THAP3: variants seen among roughly 807,000 people sequenced by gnomAD.
The protein encoded by THAP3 is THAP domain-containing protein 3.
THAP3 carries 12 observed loss-of-function variants against 17.7 expected under a neutral mutation model. The ratio of observed to expected loss-of-function variants is 0.68; its 90% CI spans 0.43 to 1.10. The LOEUF (loss-of-function observed/expected upper bound fraction) is 1.10, where lower values mean the gene tolerates loss of function less well. Ranked by LOEUF, THAP3 falls within the 50% of genes least tolerant of loss-of-function variation. THAP3 has a pLI of 0.00. For synonymous variants in THAP3, 133 were observed against 126.9 expected (o/e 1.05, Z -0.32); for missense variants, 289 against 318.0 (o/e 0.91, Z 0.69).
chr1:6,634,669 A>G (rs752394189), downstream of THAP3: 1 of 1,366,398 alleles, frequency 7.3e-7, no homozygotes, highest in East Asian at 4.5e-5. Context: ...GCTCCGCTGC[A>G]TTCTGCATCC....
At chr1:6,634,714 G>A (rs367606327), downstream of THAP3, 27 of 1,363,670 alleles carry the variant, frequency 2.0e-5, no homozygotes, top group African/African-American at 3.4e-4. Flanking sequence ...CTGAAGGAAG[G>A]CTCCGGAGCA....
chr1:6,630,842 G>A (rs1444919211), intron 4 of THAP3, among the ~76,000 whole-genome samples: 1 of 151,650 alleles, frequency 6.6e-6, no homozygotes, highest in African/African-American at 2.4e-5. Flanking sequence ...AAAGTGCTGG[G>A]ATTATAGGTG....
intron 1 of THAP3, 83 bp from the exon 2 acceptor site, chr1:6,625,067 G>A: frequency 1.2e-6 from 1 of 828,866 alleles, no homozygotes; most frequent in Non-Finnish European, 1.8e-6. Flanking sequence ...GGAGACGCGG[G>A]TGGCTGGGAT....
At chr1:6,635,009 C>G (rs1042079138), downstream of THAP3, 8 of 533,464 alleles carry the variant, frequency 1.5e-5, no homozygotes, top group Non-Finnish European at 1.9e-5. Context: ...GGGCTAGGCC[C>G]TGGGATCGGG....
In THAP3 at chr1:6,630,427, A is replaced by C. The variant is rs900135401; in HGVS notation, c.333+74A>C. The stretch of plus-strand genomic sequence containing the variant: ...TGAGACAGGGAGGTGGGATTTTCCC[A>C]GCAAGGCCGGCCCGCAGGGCTGTCG... On this transcript the variant is annotated intron_variant, in intron 4 of 5. Coordinates refer to ENST00000054650, the MANE Select transcript of THAP3 (RefSeq NM_001195753.2). The C allele has an allele frequency of 3.3e-6, 5 of 1,515,932 alleles. No homozygotes were observed. In the African/African-American group the frequency reaches 5.5e-5, roughly 17 times the overall value. The allele number at this position is 1,515,932 out of a possible 1,614,324, so 93.9% of individuals were successfully genotyped here.
chr1:6,634,739 C>G, downstream of THAP3: 1 of 1,354,150 alleles, frequency 7.4e-7, no homozygotes, highest in Non-Finnish European at 9.8e-7. Context: ...CCCTGGTGTT[C>G]CTGTGAGGAC....
chr1:6,629,378 C>G (rs1641547383), intron 3 of THAP3, among the ~76,000 whole-genome samples: 1 of 152,166 alleles, frequency 6.6e-6, no homozygotes, highest in Non-Finnish European at 1.5e-5. Context: ...ATGGGAAGAA[C>G]AAAGCGGCCA....
chr1:6,628,095 C>G (rs1409864177), intron 2 of THAP3: 1 of 170,254 alleles, frequency 5.9e-6, no homozygotes, highest in Admixed American at 5.7e-5. Flanking sequence ...TGTCTGTTCT[C>G]TGGAGCAGCT....
At chr1:6,634,167 C>G, downstream of THAP3, 1 of 1,348,600 alleles carries the variant, frequency 7.4e-7, no homozygotes, top group Non-Finnish European at 1.0e-6. Flanking sequence ...GAGCGCCAGC[C>G]TCTGCTTTCA....
rs1395197033 is a variant in THAP3, at chr1:6,632,933, C to T, written c.576C>T (p.Leu192=). 9 of 1,612,866 alleles carry T rather than the reference C, an allele frequency of 5.6e-6. No homozygotes were observed. The South Asian group carries it at 8.8e-5, about 16-fold the overall frequency. ...LLDLDSLKKK[L]FLTLKENEKL... ...ACTTAGATTCCCTGAAGAAAAAACTCTTCCTCACTCTGAAGGAAAATGAAA... is the reference window on the plus strand; with the variant it reads ...ACTTAGATTCCCTGAAGAAAAAACTTTTCCTCACTCTGAAGGAAAATGAAA... The change falls in exon 6 of 6, where the codon CTC becomes CTT. Residue 192 remains leucine, a synonymous_variant. Transcript: ENST00000054650.
Position 6,625,225 on chromosome 1 carries a change from A to G in THAP3, c.7A>G (p.Lys3Glu), listed in dbSNP as rs1641429587. 6.5e-7 allele frequency: 1 copy of G among 1,542,682 alleles called. No individual in the cohort carries two copies. The highest frequency in any genetic ancestry group is 1.2e-5 in the South Asian group (1 of 83,530). ...CAGCCAGGCCTGGCTCGAGATGCCGAAGTCGTGCGCGGCCCGGCAGTGCTG... is the reference window on the plus strand; with the variant it reads ...CAGCCAGGCCTGGCTCGAGATGCCGGAGTCGTGCGCGGCCCGGCAGTGCTG... MP[K>E]SCAARQCCNR... is the part of the protein sequence containing the mutation. The change falls in exon 2 of 6, where the codon AAG becomes GAG. Residue 3 changes from lysine to glutamate, a missense_variant. Physicochemically the swap from Lys to Glu is moderately conservative, Grantham distance 56. Transcript: ENST00000054650.
At chr1:6,634,947 C>T, downstream of THAP3, 4 of 1,066,356 alleles carry the variant, frequency 3.8e-6, no homozygotes, top group Non-Finnish European at 4.8e-6. Flanking sequence ...CAGCTCAAGC[C>T]CGCTGGTGGC....
intron 4 of THAP3, among the ~76,000 whole-genome samples, chr1:6,631,415 G>T (rs188740149): frequency 2.0e-4 from 31 of 152,268 alleles, no homozygotes; most frequent in African/African-American, 6.5e-4. Context: ...ATGTCTTGAG[G>T]CTAGGAGTTT....
downstream of THAP3, chr1:6,634,306 G>A (rs935955156): frequency 2.1e-6 from 2 of 939,252 alleles, no homozygotes; most frequent in African/African-American, 1.7e-5. Flanking sequence ...GCAACACGAC[G>A]CTCACCGCGG....
intron 3 of THAP3, 65 bp from the exon 4 acceptor site, chr1:6,630,223 C>G (rs964428427): frequency 3.2e-5 from 47 of 1,453,226 alleles, no homozygotes; most frequent in Middle Eastern, 3.5e-4. Flanking sequence ...GCATGATGCC[C>G]GAGGCCTGCC....
downstream of THAP3, chr1:6,634,113 A>G: frequency 6.2e-7 from 1 of 1,603,872 alleles, no homozygotes; most frequent in Non-Finnish European, 8.5e-7. Flanking sequence ...GCCTCTGGGG[A>G]AGGGGTTCCC....
rs777848367 is a variant in THAP3, at chr1:6,625,194, T to TG, written c.-20dup. On this transcript the variant is annotated 5_prime_UTR_variant, in exon 2 of 6. Transcript: ENST00000054650. ...GCCCCGCCGCCGCCGCCATCTTTGT[T>TG]GGGGGCAGCCAGGCCTGGCTCGAGA... The TG allele has an allele frequency of 2.5e-5, 39 of 1,534,536 alleles. No individual in the cohort carries two copies. The highest frequency in any genetic ancestry group is 3.2e-5 in the Non-Finnish European group (37 of 1,143,008).
At chr1:6,633,687 T>C (rs113762810), downstream of THAP3, 6 of 683,778 alleles carry the variant, frequency 8.8e-6, no homozygotes, top group African/African-American at 7.7e-5. Context: ...GGTGGGGAGA[T>C]CACTTGAGGT....
Position 6,625,716 on chromosome 1 carries a change from C to G in THAP3, c.74+424C>G, listed in dbSNP as rs534473149. On this transcript the variant is annotated intron_variant, in intron 2 of 5. Coordinates refer to ENST00000054650, the MANE Select transcript of THAP3 (RefSeq NM_001195753.2). Reference sequence around the variant, plus strand: ...GACTCTGCAGGGTCGCGGGAGGACGCTGGAGACTTTGGAGTCTGCTCCAGC... The same window carrying G: ...GACTCTGCAGGGTCGCGGGAGGACGGTGGAGACTTTGGAGTCTGCTCCAGC... 8.0e-4 allele frequency among the ~76,000 whole-genome samples: 120 copies of G among 150,636 alleles called. 1 individual carries two copies. The highest frequency in any genetic ancestry group is 1.5e-3 in the Non-Finnish European group (100 of 67,718).
Sources: allele counts gnomAD v4.1 joint callset (sites outside exome capture counted in the v4.1 genomes callset), GRCh38; gene constraint gnomAD v4.1.1; transcripts MANE v1.5; gene names NCBI Gene and HGNC (gene_info 2026-07-23, HGNC 2026-07-21).